DHX8: variants seen among roughly 807,000 people sequenced by gnomAD.
DHX8 encodes DEAH-box helicase 8, also known as ATP-dependent RNA helicase DHX8.
A neutral mutation model predicts 140.7 loss-of-function variants in DHX8; 67 were observed. The ratio of observed to expected loss-of-function variants is 0.48; its 90% CI spans 0.39 to 0.58. The LOEUF (loss-of-function observed/expected upper bound fraction) is 0.58, where lower values mean the gene tolerates loss of function less well. Ranked by LOEUF, DHX8 falls within the 20% of genes least tolerant of loss-of-function variation. The pLI is 0.00. For synonymous variants in DHX8, 533 were observed against 553.2 expected (o/e 0.96, Z 0.51); for missense variants, 887 against 1,550.7 (o/e 0.57, Z 7.19).
chr17:43,512,640 G>A (rs904597581), intron 16 of DHX8, among the ~76,000 whole-genome samples: 6 of 152,192 alleles, frequency 3.9e-5, no homozygotes, highest in Non-Finnish European at 7.3e-5. Context: ...CAGGGCTTCT[G>A]TAGTTCTGTA....
intron 1 of DHX8, among the ~76,000 whole-genome samples, chr17:43,487,149 G>C (rs1361741151): frequency 1.3e-5 from 2 of 152,166 alleles, no homozygotes; most frequent in Admixed American, 1.3e-4. Context: ...GGTTGTTTTG[G>C]GGATCATGAA....
rs570643871 is a variant in DHX8, at chr17:43,522,954, T to C, written c.3444-674T>C. Among the ~76,000 whole-genome samples the C allele has an allele frequency of 2.0e-5, 3 of 151,040 alleles. No individual in the cohort carries two copies. The East Asian group carries it at 5.9e-4, about 30-fold the overall frequency. ...GGCAGGCACCTGTAATCCCAGCTAC[T>C]TGGGAGGCTGAGACATGAGAATAGC... On this transcript the variant is annotated intron_variant, in intron 22 of 22. Coordinates refer to ENST00000262415, the MANE Select transcript of DHX8 (RefSeq NM_004941.3).
In DHX8 at chr17:43,492,825, T is replaced by A; in HGVS notation, c.648T>A (p.Asn216Lys). 1.2e-6 allele frequency: 2 copies of A among 1,613,818 alleles called. No homozygotes were observed. The highest frequency in any genetic ancestry group is 1.7e-6 in the Non-Finnish European group (2 of 1,179,986). The change falls in exon 6 of 23, where the codon AAT becomes AAA. Residue 216 changes from asparagine (N) to lysine (K), a missense_variant. Coordinates refer to ENST00000262415, the MANE Select transcript of DHX8 (RefSeq NM_004941.3). ...SRSRSRTRER[N>K]KVKSRYRSRS... ...CACGTTCCAGGACCCGGGAGAGGAA[T>A]AAAGTGAAGTCTAGATATCGGTCCA...
rs57702542 is a variant in DHX8, at chr17:43,484,423, G to T, written c.148+238G>T. Among the ~76,000 whole-genome samples the T allele has an allele frequency of 5.4e-3, 828 of 152,130 alleles. 12 individuals are homozygous for T. The highest frequency in any genetic ancestry group is 0.019 in the African/African-American group (804 of 41,490). On this transcript the variant is annotated intron_variant, in intron 1 of 22. Coordinates refer to ENST00000262415, the MANE Select transcript of DHX8 (RefSeq NM_004941.3). Reference sequence around the variant, plus strand: ...AAGCCCGGGGCGGTCATCTCTGCTTGATTGTTTTTTGTTTGTTTTTTCAGC... The same window carrying T: ...AAGCCCGGGGCGGTCATCTCTGCTTTATTGTTTTTTGTTTGTTTTTTCAGC...
At chr17:43,531,974 A>G (rs553287332) in intron 2 of DHX8, among the ~76,000 whole-genome samples, 11 of 152,310 alleles carry the variant, frequency 7.2e-5, no homozygotes, top group African/African-American at 2.6e-4. Flanking sequence ...TAACTTCCCT[A>G]TTAAGTCACA....
Position 43,520,275 on chromosome 17 carries a change from A to G in DHX8, c.2937+8A>G. The stretch of plus-strand genomic sequence containing the variant: ...ACTCGCTTGGGCCGCCGGGTAAGGG[A>G]CAGACTCAACTTCCTGTGCTTTTGG... On this transcript the variant is annotated splice_region_variant and intron_variant, in intron 19 of 22. Coordinates refer to ENST00000262415, the MANE Select transcript of DHX8 (RefSeq NM_004941.3). 6.2e-7 allele frequency: 1 copy of G among 1,613,194 alleles called. No homozygotes were observed. The highest frequency in any genetic ancestry group is 2.2e-5 in the East Asian group (1 of 44,862).
In DHX8 at chr17:43,489,685, G is replaced by A. The variant is rs113565087; in HGVS notation, c.234+151G>A. 2,725 of 539,494 alleles carry A rather than the reference G, an allele frequency of 5.1e-3. 58 individuals are homozygous for A. In the African/African-American group the frequency reaches 0.052, roughly 10 times the overall value. The allele number at this position is 539,494 out of a possible 1,614,324, so 33.4% of individuals were successfully genotyped here. A position where few individuals can be genotyped will look rare whatever the true frequency, so the allele number is the denominator to read the frequency against. ...AGCTCACTGCAAGCTCCGCCTCCCG[G>A]GTTCACGCCATTCTCTTGCCTCAGT... is the stretch of plus-strand genomic sequence containing the variant. On this transcript the variant is annotated intron_variant, in intron 2 of 22. Coordinates refer to ENST00000262415, the MANE Select transcript of DHX8 (RefSeq NM_004941.3).
At chr17:43,511,325 T>G (rs759942709) in intron 16 of DHX8, among the ~76,000 whole-genome samples, 1 of 152,028 alleles carries the variant, frequency 6.6e-6, no homozygotes, top group Non-Finnish European at 1.5e-5. Context: ...CAAAACTATC[T>G]CAAAAGGAAG....
At chr17:43,529,434 T>C (rs1454049561), downstream of DHX8, 3 of 1,542,058 alleles carry the variant, frequency 1.9e-6, no homozygotes, top group Non-Finnish European at 2.6e-6. Context: ...CGTGCCACCA[T>C]TTCCCAGGTT....
chr17:43,541,390 T>A (rs1020840075), intron 3 of DHX8, among the ~76,000 whole-genome samples: 2 of 152,118 alleles, frequency 1.3e-5, no homozygotes, highest in Admixed American at 6.5e-5. Context: ...CCAGGGTCTG[T>A]CCCCAGCTCC....
At chr17:43,534,128 C>T in intron 2 of DHX8, 1 of 854,804 alleles carries the variant, frequency 1.2e-6, no homozygotes, top group Non-Finnish European at 1.6e-6. Context: ...TTTCTGAGAC[C>T]CGCAGTGAGA....
Position 43,543,296 on chromosome 17 carries a change from T to TCTCTCA in DHX8, c.*21-865_*21-864insTCTCAC, listed in dbSNP as rs888736657. On this transcript the variant is annotated intron_variant, in intron 3 of 3. Coordinates refer to the DHX8 transcript ENST00000589898. ...CACACACTCTCTCTCTCTCTCTCTC[T>TCTCTCA]CACACACACACTTGCTGTCACACCG... Among the ~76,000 whole-genome samples the TCTCTCA allele has an allele frequency of 1.3e-4, 18 of 143,408 alleles. 1 individual carries two copies. The South Asian group carries it at 1.4e-3, about 11-fold the overall frequency. The allele number at this position is 143,408 out of a possible 152,430, so 94.1% of individuals were successfully genotyped here.
chr17:43,500,299 A>T (rs543044381), intron 11 of DHX8, among the ~76,000 whole-genome samples, 196 bp downstream of exon 11: 29 of 152,264 alleles, frequency 1.9e-4, no homozygotes, highest in South Asian at 8.3e-4. Flanking sequence ...GACCTGGCCA[A>T]CATGGTGAAA....
At chr17:43,529,182 G>C (rs891897498), downstream of DHX8, 13 of 1,613,890 alleles carry the variant, frequency 8.1e-6, no homozygotes, top group Non-Finnish European at 9.3e-6. Context: ...GAGCGGCTCA[G>C]CTTGTCGTAA....
intron 3 of DHX8, among the ~76,000 whole-genome samples, chr17:43,539,731 C>G (rs956819685): frequency 6.6e-6 from 1 of 152,166 alleles, no homozygotes; most frequent in African/African-American, 2.4e-5. Context: ...TGCAGGCTCC[C>G]CCTCTCCACA....
intron 17 of DHX8, among the ~76,000 whole-genome samples, chr17:43,515,925 T>C (rs1032361551): frequency 3.9e-5 from 6 of 152,172 alleles, no homozygotes; most frequent in African/African-American, 1.2e-4. Flanking sequence ...AAAATGGCCC[T>C]CTTCAGATTG....
At chr17:43,496,447 T>A (rs1968864490) in intron 9 of DHX8, among the ~76,000 whole-genome samples, 179 bp downstream of exon 9, 1 of 152,114 alleles carries the variant, frequency 6.6e-6, no homozygotes, top group Non-Finnish European at 1.5e-5. Flanking sequence ...TTCTGACAAG[T>A]GCTTATGTAT....
At chr17:43,493,616 A>G (rs368892637) in intron 7 of DHX8, 27 bp downstream of exon 7, 30 of 1,614,020 alleles carry the variant, frequency 1.9e-5, no homozygotes, top group Non-Finnish European at 2.5e-5. Context: ...GCCTGTTCTT[A>G]CATGTGATGG....
At chr17:43,499,326 G>A (rs966385586) in intron 10 of DHX8, among the ~76,000 whole-genome samples, 1 of 152,132 alleles carries the variant, frequency 6.6e-6, no homozygotes, top group Admixed American at 6.6e-5. Context: ...TGTAGCACTG[G>A]GTGCTGGAGA....
Sources: gnomAD v4.1 joint callset for allele counts (sites outside exome capture counted in the v4.1 genomes callset) on GRCh38, gnomAD v4.1.1 for gene constraint, MANE v1.5 for transcripts, NCBI Gene and HGNC (gene_info 2026-07-23, HGNC 2026-07-21) for gene names.